SIRPB1: variants seen among roughly 807,000 people sequenced by gnomAD.
SIRPB1 encodes the protein signal regulatory protein beta 1, also known as signal-regulatory protein beta-1.
SIRPB1 carries 28 observed loss-of-function variants against 34.1 expected under a neutral mutation model. That is an observed-to-expected ratio of 0.82 (90% CI 0.61 to 1.12). SIRPB1 has a LOEUF of 1.12. SIRPB1 is among the 50% of genes most tolerant of loss of function. The pLI is 0.00. For missense variants in SIRPB1, 499 were observed against 507.0 expected (o/e 0.98, Z 0.15); for synonymous variants, 211 against 203.8 (o/e 1.04, Z -0.30).
chr20:1,566,286 G>A lies in SIRPB1; in HGVS notation c.1085-19C>T. 1 of 1,539,090 alleles carries A rather than the reference G, an allele frequency of 6.5e-7. No homozygotes were observed. Among genetic ancestry groups the A allele is most frequent in the Non-Finnish European group, 8.9e-7 (1 of 1,127,234 alleles). Reference sequence around the variant, plus strand: ...GCTGCTTCTGGAAATCAGGGAAGAGGAGGAGCCATGAGAGGGGCCACCTGG... The same window carrying A: ...GCTGCTTCTGGAAATCAGGGAAGAGAAGGAGCCATGAGAGGGGCCACCTGG... On this transcript the variant is annotated intron_variant, in intron 4 of 5. Coordinates refer to ENST00000381605, the MANE Select transcript of SIRPB1 (RefSeq NM_006065.5).
Position 1,592,165 on chromosome 20 carries a change from T to TTTTG in SIRPB1, c.77-13475_77-13472dup, listed in dbSNP as rs1169489803. On this transcript the variant is annotated intron_variant, in intron 1 of 5. Coordinates refer to ENST00000381605, the MANE Select transcript of SIRPB1 (RefSeq NM_006065.5). Reference sequence around the variant, plus strand: ...TTATAAATTACCCAGTCTCAGGCAGTTTTGTTTGTTTGTTTGTTTGTTTGT... The same window carrying TTTTG: ...TTATAAATTACCCAGTCTCAGGCAGTTTTGTTTGTTTGTTTGTTTGTTTGTTTGT... 4.2e-4 allele frequency among the ~76,000 whole-genome samples: 20 copies of TTTTG among 47,868 alleles called. 8 individuals are homozygous for TTTTG. The highest frequency in any genetic ancestry group is 5.2e-4 in the Non-Finnish European group (13 of 24,942). 31.4% of individuals were successfully genotyped at this position (47,868 alleles called of 152,430 possible). A position where few individuals can be genotyped will look rare whatever the true frequency, so the allele number is the denominator to read the frequency against.
chr20:1,578,511 G>A lies in SIRPB1; in HGVS notation c.260C>T (p.Pro87Leu). The A allele has an allele frequency of 6.3e-7, 1 of 1,583,790 alleles. No individual in the cohort carries two copies. The highest frequency in any genetic ancestry group is 8.6e-7 in the Non-Finnish European group (1 of 1,157,580). ...GAGTTCTGAAACAGTTGTTACCCGT[G>A]GGAAGTGGCCTTCTTTCTGATTGTA... The part of the protein sequence containing the change: ...LIYNQKEGHF[P>L]RVTTVSELTK... Residue 87 changes from proline (P) to leucine (L), a missense_variant, in exon 2 of 6, where the codon CCA becomes CTA. Transcript: ENST00000381605.
Position 1,592,692 on chromosome 20 carries a change from T to TC in SIRPB1, c.77-13999dup, listed in dbSNP as rs1259200945. 8.2e-5 allele frequency among the ~76,000 whole-genome samples: 4 copies of TC among 49,018 alleles called. 2 individuals are homozygous for TC. The highest frequency in any genetic ancestry group is 2.7e-4 in the African/African-American group (2 of 7,424). The allele number at this position is 49,018 out of a possible 152,430, so 32.2% of individuals were successfully genotyped here. A position where few individuals can be genotyped will look rare whatever the true frequency, so the allele number is the denominator to read the frequency against. ...TTGCAACAGAAAGTGTTGGCTTTTT[T>TC]CCCCCCACTTAATAACTTTATTTAA... On this transcript the variant is annotated intron_variant, in intron 1 of 5. Coordinates refer to ENST00000381605, the MANE Select transcript of SIRPB1 (RefSeq NM_006065.5).
intron 2 of SIRPB1, among the ~76,000 whole-genome samples, chr20:1,574,411 C>T (rs926236066): frequency 7.9e-5 from 3 of 38,166 alleles, no homozygotes; most frequent in Non-Finnish European, 1.1e-4. Flanking sequence ...CCTGGGGCAC[C>T]GCTTTTGCTA....
chr20:1,570,908 C>G lies in SIRPB1; in HGVS notation c.981G>C (p.Val327=). The part of the protein sequence containing the change: ...VNTCAHRDDV[V]LTCQVEHDGQ... The stretch of plus-strand genomic sequence containing the variant: ...CATCATGCTCCACCTGACAGGTGAG[C>G]ACCACATCGTCCCTGTGGGCACAGG... Residue 327 remains valine (V), a synonymous_variant, in exon 4 of 6, where the codon GTG becomes GTC. Transcript: ENST00000381605. 2.5e-6 allele frequency: 4 copies of G among 1,614,204 alleles called. No homozygotes were observed. The highest frequency in any genetic ancestry group is 3.4e-6 in the Non-Finnish European group (4 of 1,180,024).
In SIRPB1 at chr20:1,563,843, G is replaced by A. The variant is rs2091098094; in HGVS notation, c.*1657C>T. On this transcript the variant is annotated 3_prime_UTR_variant, in exon 6 of 6. Coordinates refer to ENST00000381605, the MANE Select transcript of SIRPB1 (RefSeq NM_006065.5). ...AACTCACTATCACAAGAACAGCAAG[G>A]GGGAAGTCCGCCCCCATGATTCAGT... The A allele has an allele frequency of 6.6e-6, 1 of 152,304 alleles. No homozygotes were observed. Among genetic ancestry groups the A allele is most frequent in the Admixed American group, 6.5e-5 (1 of 15,270 alleles). The allele number at this position is 152,304 out of a possible 1,614,324, so 9.4% of individuals were successfully genotyped here. A position where few individuals can be genotyped will look rare whatever the true frequency, so the allele number is the denominator to read the frequency against.
rs1364952412 is a variant in SIRPB1, at chr20:1,587,781, G to T, written c.77-9087C>A. On this transcript the variant is annotated intron_variant, in intron 1 of 5. Coordinates refer to ENST00000381605, the MANE Select transcript of SIRPB1 (RefSeq NM_006065.5). ...CACACACACAGAGGGAAGACCATGGGTTGAGACACAGGGTGGAGACTGTCT... is the reference window on the plus strand; with the variant it reads ...CACACACACAGAGGGAAGACCATGGTTTGAGACACAGGGTGGAGACTGTCT... 4.1e-5 allele frequency among the ~76,000 whole-genome samples: 2 copies of T among 48,832 alleles called. 1 individual carries two copies. The highest frequency in any genetic ancestry group is 7.9e-5 in the Non-Finnish European group (2 of 25,322). 32.0% of individuals were successfully genotyped at this position (48,832 alleles called of 152,430 possible).
chr20:1,619,879 C>T lies in SIRPB1; in HGVS notation c.66G>A (p.Gly22=), dbSNP rs2091683946. ...SPFLLMTLLL[G]RLTGVAGEDE... Reference sequence around the variant, plus strand: ...GAAGGCAGTGCTCACCTGTGAGTCTCCCCAGCAGTAGCGTCATCAGCAGGA... The same window carrying T: ...GAAGGCAGTGCTCACCTGTGAGTCTTCCCAGCAGTAGCGTCATCAGCAGGA... Residue 22 remains glycine, a synonymous_variant, in exon 1 of 6, where the codon GGG becomes GGA. Coordinates refer to ENST00000381605, the MANE Select transcript of SIRPB1 (RefSeq NM_006065.5). The T allele has an allele frequency of 1.2e-6, 2 of 1,613,088 alleles. No individual in the cohort carries two copies. Among genetic ancestry groups the T allele is most frequent in the Non-Finnish European group, 1.7e-6 (2 of 1,179,218 alleles).
In SIRPB1 at chr20:1,605,097, A is replaced by G; in HGVS notation, c.76+14772T>C. The G allele has an allele frequency of 7.1e-6, 4 of 564,408 alleles. 2 individuals carry two copies. In the South Asian group the frequency reaches 1.4e-4, roughly 20 times the overall value. The allele number at this position is 564,408 out of a possible 1,614,324, so 35.0% of individuals were successfully genotyped here. A position where few individuals can be genotyped will look rare whatever the true frequency, so the allele number is the denominator to read the frequency against. ...CATCGATAATCAGGAGACATGACTC[A>G]GATGACAATCACTAACGATAAGTGT... On this transcript the variant is annotated intron_variant, in intron 1 of 5. Transcript: ENST00000381605.
intron 1 of SIRPB1, chr20:1,598,402 C>T: frequency 3.9e-6 from 1 of 258,378 alleles, no homozygotes; most frequent in Non-Finnish European, 4.6e-6. Context: ...AGAATGGGTA[C>T]AGCCCTAAGA....
rs1235958836 is a variant in SIRPB1 at position 1,582,834 on chromosome 20, C to T, written c.77-4140G>A. ...GCTGTCTAATATACTATTTTATTTG[C>T]CTATTTATCATGTGTATTGATTACT... On this transcript the variant is annotated intron_variant, in intron 1 of 5. Coordinates refer to ENST00000381605, the MANE Select transcript of SIRPB1 (RefSeq NM_006065.5). Among the ~76,000 whole-genome samples, 2 of 48,872 alleles carry T rather than the reference C, an allele frequency of 4.1e-5. 1 individual carries two copies. Among genetic ancestry groups the T allele is most frequent in the African/African-American group, 2.7e-4 (2 of 7,460 alleles). 32.1% of individuals were successfully genotyped at this position (48,872 alleles called of 152,430 possible).
Position 1,571,721 on chromosome 20 carries a change from T to C in SIRPB1, c.750A>G (p.Arg250=). Residue 250 remains arginine, a splice_region_variant and synonymous_variant, in exon 3 of 6, where the codon CGA becomes CGG. Coordinates refer to ENST00000381605, the MANE Select transcript of SIRPB1 (RefSeq NM_006065.5). ...GGGCTGGGTGTGAGGGTCTTCTACC[T>C]CGGATGGCCTCAGACAAGTTGGCAG... is the stretch of plus-strand genomic sequence containing the variant. ...RGTANLSEAI[R]VPPTLEVTQQ... is the part of the protein sequence containing the mutation. 6.2e-7 allele frequency: 1 copy of C among 1,614,142 alleles called. No homozygotes were observed. The highest frequency in any genetic ancestry group is 8.5e-7 in the Non-Finnish European group (1 of 1,180,008).
rs1258895618 is a variant in SIRPB1 at position 1,564,771 on chromosome 20, C to A, written c.*729G>T. ...GAAATTGGCAAGCACTGCAAAACAGCTTTTGGTTTTTCCCTTTCAGAAAGT... is the reference window on the plus strand; with the variant it reads ...GAAATTGGCAAGCACTGCAAAACAGATTTTGGTTTTTCCCTTTCAGAAAGT... On this transcript the variant is annotated 3_prime_UTR_variant, in exon 6 of 6. Transcript: ENST00000381605. The A allele has an allele frequency of 7.6e-6, 3 of 397,062 alleles. No individual in the cohort carries two copies. In the East Asian group the frequency reaches 1.1e-4, roughly 14 times the overall value. 24.6% of individuals were successfully genotyped at this position (397,062 alleles called of 1,614,324 possible). A position where few individuals can be genotyped will look rare whatever the true frequency, so the allele number is the denominator to read the frequency against.
At position 1,571,138 on chromosome 20, in the gene SIRPB1, C is replaced by T; in HGVS notation, c.752-1G>A. 6.2e-7 allele frequency: 1 copy of T among 1,612,196 alleles called. No individual in the cohort carries two copies. Among genetic ancestry groups the T allele is most frequent in the Non-Finnish European group, 8.5e-7 (1 of 1,178,798 alleles). On this transcript the variant is annotated splice_acceptor_variant, in intron 3 of 5. Transcript: ENST00000381605. LOFTEE classifies it high-confidence loss of function. ...TGAGTAACCTCCAAGGTGGGTGGAA[C>T]TGAAACAGCACAGGGCAGAAGCTCT...
rs2091430520 is a variant in SIRPB1 at position 1,588,123 on chromosome 20, C to T, written c.77-9429G>A. On this transcript the variant is annotated intron_variant, in intron 1 of 5. Coordinates refer to ENST00000381605, the MANE Select transcript of SIRPB1 (RefSeq NM_006065.5). ...GGTGGCTGAACATCCCTGGGAAACA[C>T]TGCACCCCTGTCCAACTCAAGCAGG... Among the ~76,000 whole-genome samples the T allele has an allele frequency of 4.2e-5, 2 of 48,004 alleles. 1 individual carries two copies. The highest frequency in any genetic ancestry group is 8.0e-5 in the Non-Finnish European group (2 of 25,078). The allele number at this position is 48,004 out of a possible 152,430, so 31.5% of individuals were successfully genotyped here.
intron 1 of SIRPB1, chr20:1,598,992 G>A: frequency 6.5e-6 from 2 of 307,718 alleles, no homozygotes; most frequent in Non-Finnish European, 1.0e-5. Flanking sequence ...TGCCATCCCA[G>A]AGGCCCCCAC....
At position 1,590,800 on chromosome 20, in the gene SIRPB1, G is replaced by A. The variant is rs574624116; in HGVS notation, c.77-12106C>T. On this transcript the variant is annotated intron_variant, in intron 1 of 5. Coordinates refer to ENST00000381605, the MANE Select transcript of SIRPB1 (RefSeq NM_006065.5). ...CCCTGATAACTCCATCACGTGGGGTGGGGCTTTATTTCTGGAAAGATGGCA... is the reference window on the plus strand; with the variant it reads ...CCCTGATAACTCCATCACGTGGGGTAGGGCTTTATTTCTGGAAAGATGGCA... Among the ~76,000 whole-genome samples, 4 of 49,102 alleles carry A rather than the reference G, an allele frequency of 8.1e-5. 2 individuals carry two copies. The highest frequency in any genetic ancestry group is 5.5e-4 in the Admixed American group (4 of 7,320). 32.2% of individuals were successfully genotyped at this position (49,102 alleles called of 152,430 possible).
rs1600140516 is a variant in SIRPB1, at chr20:1,595,744, T to G, written c.77-17050A>C. Among the ~76,000 whole-genome samples, 2 of 48,804 alleles carry G rather than the reference T, an allele frequency of 4.1e-5. 1 individual carries two copies. Among genetic ancestry groups the G allele is most frequent in the East Asian group, 1.2e-3 (2 of 1,696 alleles). 32.0% of individuals were successfully genotyped at this position (48,804 alleles called of 152,430 possible). ...GTAGCCAAGGATTGAGCTTGCAGCT[T>G]CAGAGACCATAATTCCAGGTGTGGC... On this transcript the variant is annotated intron_variant, in intron 1 of 5. Transcript: ENST00000381605.
Position 1,598,249 on chromosome 20 carries a change from T to C in SIRPB1, c.77-19555A>G, listed in dbSNP as rs981292768. 3.0e-4 allele frequency: 113 copies of C among 371,248 alleles called. 52 individuals are homozygous for C. The highest frequency in any genetic ancestry group is 7.1e-4 in the African/African-American group (7 of 9,832). 23.0% of individuals were successfully genotyped at this position (371,248 alleles called of 1,614,324 possible). ...TTAAGAAACATTTCCTGGGAGGCTG[T>C]TGTATTCCTGGTGCTGGTCTCCTTC... On this transcript the variant is annotated intron_variant, in intron 1 of 5. Transcript: ENST00000381605.
Sources: allele counts gnomAD v4.1 joint callset (sites outside exome capture counted in the v4.1 genomes callset), GRCh38; gene constraint gnomAD v4.1.1; transcripts MANE v1.5; gene names NCBI Gene and HGNC (gene_info 2026-07-23, HGNC 2026-07-21).